Variants in FBXO47 observed in about 807,000 individuals in gnomAD.
The protein encoded by FBXO47 is F-box protein 47.
In FBXO47, 34 loss-of-function variants were observed where a neutral mutation model predicts 53.9. The observed-to-expected ratio is 0.63, with a 90% CI of 0.48 to 0.84. The LOEUF is 0.84. Ranked by LOEUF, FBXO47 falls within the 40% of genes least tolerant of loss-of-function variation. The pLI, the probability that FBXO47 is intolerant of heterozygous loss-of-function variation, is 0.00. For synonymous variants in FBXO47, 165 were observed against 181.6 expected (o/e 0.91, Z 0.73); for missense variants, 485 against 541.3 (o/e 0.90, Z 1.03).
intron 1 of FBXO47, among the ~76,000 whole-genome samples, chr17:38,963,324 T>C (rs1905917161): frequency 6.6e-6 from 1 of 151,986 alleles, no homozygotes; most frequent in South Asian, 2.1e-4. Flanking sequence ...ATTACAGTCA[T>C]GTGCCACCAT....
intron 5 of FBXO47, among the ~76,000 whole-genome samples, chr17:38,954,537 C>A (rs1905457380): frequency 6.6e-6 from 1 of 152,088 alleles, no homozygotes; most frequent in Non-Finnish European, 1.5e-5. Flanking sequence ...TGCACACACA[C>A]CACCTCATAA....
chr17:38,959,579 CAAAAAAA>C (rs749435702), intron 3 of FBXO47, among the ~76,000 whole-genome samples: 14 of 27,856 alleles, frequency 5.0e-4, no homozygotes, highest in East Asian at 1.9e-3. Flanking sequence ...GACTCTGCCT[CAAAAAAA>C]AAAAAAAAAA....
intron 10 of FBXO47, among the ~76,000 whole-genome samples, 153 bp downstream of exon 10, chr17:38,938,420 C>T (rs1436875677): frequency 6.6e-6 from 1 of 151,350 alleles, no homozygotes; most frequent in Non-Finnish European, 1.5e-5. Context: ...GCTTCCTCTA[C>T]TTATTGTTAG....
At chr17:38,946,903 T>TAA (rs1310603866) in intron 6 of FBXO47, among the ~76,000 whole-genome samples, 37 of 117,144 alleles carry the variant, frequency 3.2e-4, no homozygotes, top group African/African-American at 1.1e-3. Flanking sequence ...TAAACATATA[T>TAA]AAATATATAT....
chr17:38,953,513 T>C (rs1049713514), intron 5 of FBXO47, among the ~76,000 whole-genome samples: 57 of 151,960 alleles, frequency 3.8e-4, no homozygotes, highest in African/African-American at 1.4e-3. Flanking sequence ...TAATCCCACC[T>C]ACTTGGGAGG....
intron 3 of FBXO47, among the ~76,000 whole-genome samples, chr17:38,957,697 T>C (rs1010183830): frequency 1.4e-5 from 2 of 141,902 alleles, no homozygotes; most frequent in Non-Finnish European, 1.5e-5. Flanking sequence ...AACTGATTTT[T>C]CTTTTTTTTT....
chr17:38,943,723 C>T lies in FBXO47; in HGVS notation c.807G>A (p.Trp269Ter). The T allele has an allele frequency of 6.2e-7, 1 of 1,606,456 alleles. No homozygotes were observed. Among genetic ancestry groups the T allele is most frequent in the Non-Finnish European group, 8.5e-7 (1 of 1,177,874 alleles). The change falls in exon 8 of 11, where the codon TGG becomes TGA. Residue 269 changes from tryptophan to a stop codon, truncating the protein, a stop_gained. Transcript: ENST00000378079. LOFTEE classifies it high-confidence loss of function. ...CTGTAGGTTCTTCTATCATTTCCTG[C>T]CAAACCACCTGTCCTGAATTGAAAC... ...PISPQDGQVV[W>*]QEMIEEPTDE...
intron 9 of FBXO47, among the ~76,000 whole-genome samples, chr17:38,939,293 CAAAAAA>C (rs1218321299): frequency 3.7e-4 from 13 of 34,850 alleles, no homozygotes; most frequent in South Asian, 1.7e-3. Context: ...ACTCCATCTC[CAAAAAA>C]AAAAAAAAAA....
chr17:38,966,335 G>A (rs1277998583), intron 1 of FBXO47, among the ~76,000 whole-genome samples: 1 of 152,092 alleles, frequency 6.6e-6, no homozygotes, highest in Non-Finnish European at 1.5e-5. Context: ...CCTAGTAGCT[G>A]GGATTACAGG....
intron 1 of FBXO47, among the ~76,000 whole-genome samples, chr17:38,966,813 A>G (rs1006086369): frequency 6.6e-6 from 1 of 152,156 alleles, no homozygotes; most frequent in African/African-American, 2.4e-5. Flanking sequence ...AAAATTCTAA[A>G]GGTATAATCC....
At chr17:38,962,076 A>G (rs1905840163) in intron 2 of FBXO47, 29 bp from the exon 3 acceptor site, 1 of 1,574,500 alleles carries the variant, frequency 6.4e-7, no homozygotes, top group Admixed American at 1.9e-5. Context: ...ATGTGTATGT[A>G]TCAATGGCTT....
chr17:38,948,917 C>T (rs188083422), intron 6 of FBXO47, among the ~76,000 whole-genome samples: 3 of 152,102 alleles, frequency 2.0e-5, no homozygotes, highest in Non-Finnish European at 4.4e-5. Context: ...CCCCATGCCC[C>T]CATCACCTAG....
chr17:38,941,620 T>TTATATATATATATATATATA (rs3040090), intron 9 of FBXO47, among the ~76,000 whole-genome samples: 124 of 115,132 alleles, frequency 1.1e-3, no homozygotes, highest in Admixed American at 3.1e-3. Context: ...AAATATAATA[T>TTATATATATATATATATATA]TATATATATA....
chr17:38,957,087 A>T, intron 4 of FBXO47, 90 bp downstream of exon 4: 1 of 806,962 alleles, frequency 1.2e-6, no homozygotes, highest in South Asian at 1.8e-5. Flanking sequence ...ATGAAATTCT[A>T]CTAATATAGA....
intron 9 of FBXO47, among the ~76,000 whole-genome samples, chr17:38,942,336 T>C (rs1904547240): frequency 6.6e-6 from 1 of 152,124 alleles, no homozygotes; most frequent in South Asian, 2.1e-4. Flanking sequence ...GGCTCACACC[T>C]GTAATCCCAG....
In FBXO47 at chr17:38,942,815, G is replaced by A. The variant is rs1204865066; in HGVS notation, c.1046C>T (p.Thr349Ile). 10 of 1,613,372 alleles carry A rather than the reference G, an allele frequency of 6.2e-6. No homozygotes were observed. The highest frequency in any genetic ancestry group is 8.5e-6 in the Non-Finnish European group (10 of 1,179,842). The part of the protein sequence containing the change: ...FMASKAVNGR[T>I]IELARLVVFL... ...GACTACGAGCCTTGCCAGTTCAATG[G>A]TGCGTCCATTCACAGCTTTACTAGC... The change falls in exon 9 of 11, where the codon ACC becomes ATC. Residue 349 changes from threonine (T) to isoleucine (I), a missense_variant. Thr to Ile is a moderately conservative substitution (Grantham distance 89). Transcript: ENST00000378079.
chr17:38,965,621 C>G (rs1906064351), intron 1 of FBXO47, among the ~76,000 whole-genome samples: 1 of 148,614 alleles, frequency 6.7e-6, no homozygotes, highest in Non-Finnish European at 1.5e-5. Context: ...ACGCCTTAAT[C>G]CCAGCACTTT....
intron 1 of FBXO47, among the ~76,000 whole-genome samples, chr17:38,965,130 G>C (rs1312282984): frequency 6.6e-6 from 1 of 152,100 alleles, no homozygotes; most frequent in African/African-American, 2.4e-5. Flanking sequence ...GATTACAGGC[G>C]AAAGCCACCA....
intron 9 of FBXO47, among the ~76,000 whole-genome samples, chr17:38,939,782 C>T (rs1034583116): frequency 6.7e-6 from 1 of 149,704 alleles, no homozygotes; most frequent in Non-Finnish European, 1.5e-5. Context: ...ATTCTCCTGC[C>T]TCAGCCTCCC....
Sources: allele counts gnomAD v4.1 joint callset (sites outside exome capture counted in the v4.1 genomes callset), GRCh38; gene constraint gnomAD v4.1.1; transcripts MANE v1.5; gene names NCBI Gene and HGNC (gene_info 2026-07-23, HGNC 2026-07-21).